PTPRD: variants seen among roughly 807,000 people sequenced by gnomAD.
The protein encoded by PTPRD is receptor-type tyrosine-protein phosphatase delta.
PTPRD carries 34 observed loss-of-function variants against 214.5 expected under a neutral mutation model. The ratio of observed to expected loss-of-function variants is 0.16; its 90% CI spans 0.12 to 0.21. The LOEUF (loss-of-function observed/expected upper bound fraction) is 0.21. Among genes scored for constraint, PTPRD ranks in the 10% least tolerant of loss-of-function variants. The pLI is 1.00. For synonymous variants in PTPRD, 1,128 were observed against 845.7 expected (o/e 1.33, Z -5.79); for missense variants, 2,545 against 2,398.7 (o/e 1.06, Z -1.27).
At chr9:8,335,827 G>A (rs7865195) in intron 43 of PTPRD, among the ~76,000 whole-genome samples, 6,072 of 152,184 alleles carry the variant, frequency 0.04, 413 homozygotes, top group African/African-American at 0.14. Flanking sequence ...AAAGTCACAA[G>A]CACTCCTATA....
chr9:10,416,298 G>A (rs1224181630), intron 2 of PTPRD, among the ~76,000 whole-genome samples: 1 of 151,866 alleles, frequency 6.6e-6, no homozygotes, highest in Admixed American at 6.6e-5. Context: ...GCAGAGTGTT[G>A]CAGTGAGCCA....
chr9:10,437,194 T>G (rs553515812), intron 2 of PTPRD, among the ~76,000 whole-genome samples: 1 of 151,954 alleles, frequency 6.6e-6, no homozygotes, highest in Non-Finnish European at 1.5e-5. Flanking sequence ...TTTGAAATGG[T>G]TTTGGAATCC....
At chr9:9,236,976 G>C (rs1054892601) in intron 9 of PTPRD, among the ~76,000 whole-genome samples, 1 of 152,062 alleles carries the variant, frequency 6.6e-6, no homozygotes, top group Non-Finnish European at 1.5e-5. Context: ...GCCTCAAAAG[G>C]CTTATTAGTT....
intron 14 of PTPRD, among the ~76,000 whole-genome samples, chr9:8,599,588 T>C (rs1267413807): frequency 6.8e-6 from 1 of 146,152 alleles, no homozygotes; most frequent in African/African-American, 2.5e-5. Flanking sequence ...GCTCTACTGA[T>C]GGCCCTTTCC....
At chr9:9,624,275 TTTTTTGTTTG>T (rs750012553) in intron 7 of PTPRD, among the ~76,000 whole-genome samples, 2 of 151,828 alleles carry the variant, frequency 1.3e-5, no homozygotes, top group East Asian at 1.9e-4. Context: ...AGCTAGTTTT[TTTTTTGTTTG>T]TTTGTTTGTT....
chr9:10,132,648 G>C (rs573863811), intron 3 of PTPRD, among the ~76,000 whole-genome samples: 2 of 152,292 alleles, frequency 1.3e-5, no homozygotes, highest in Admixed American at 1.3e-4. Flanking sequence ...CAATTTGTTG[G>C]TTGACTCCAG....
chr9:9,069,731 G>T (rs1439381444), intron 10 of PTPRD, among the ~76,000 whole-genome samples: 1 of 152,162 alleles, frequency 6.6e-6, no homozygotes, highest in African/African-American at 2.4e-5. Flanking sequence ...GTGTTAGAAT[G>T]TAAAGATGAA....
At chr9:9,837,526 T>C (rs561770887) in intron 5 of PTPRD, among the ~76,000 whole-genome samples, 49 of 152,154 alleles carry the variant, frequency 3.2e-4, no homozygotes, top group African/African-American at 1.0e-3. Flanking sequence ...TAGCTGAAGA[T>C]AGAGGGGTAT....
rs189817575 is a variant in PTPRD, at chr9:9,264,302, C to T, written c.-202-80939G>A. Among the ~76,000 whole-genome samples the T allele has an allele frequency of 1.1e-3, 174 of 151,610 alleles. 3 individuals carry two copies. The highest frequency in any genetic ancestry group is 7.4e-5 in the Non-Finnish European group (5 of 67,718). The stretch of plus-strand genomic sequence containing the variant: ...AACAGAACACAGATAAACAACTCAA[C>T]AAGACCGAAGTTTAATAAAGAAAGA... On this transcript the variant is annotated intron_variant, in intron 9 of 45. Transcript: ENST00000381196.
chr9:9,456,336 G>A (rs906627778), intron 8 of PTPRD, among the ~76,000 whole-genome samples: 1 of 151,556 alleles, frequency 6.6e-6, no homozygotes, highest in African/African-American at 2.4e-5. Context: ...TATTGATTAG[G>A]AATAAAAAAA....
In PTPRD at chr9:10,238,995, G is replaced by C. The variant is rs80310389; in HGVS notation, c.-545+101968C>G. On this transcript the variant is annotated intron_variant, in intron 3 of 45. Transcript: ENST00000381196. The stretch of plus-strand genomic sequence containing the variant: ...CCTGCACATCGAAGAAGGCTTCCAT[G>C]TCCAATATGGTTTTGAATATCCTAT... 2.3e-3 allele frequency among the ~76,000 whole-genome samples: 353 copies of C among 151,906 alleles called. 1 individual carries two copies. The highest frequency in any genetic ancestry group is 8.3e-3 in the African/African-American group (345 of 41,486).
intron 11 of PTPRD, among the ~76,000 whole-genome samples, chr9:8,869,314 A>G (rs929874483): frequency 6.6e-6 from 1 of 152,204 alleles, no homozygotes; most frequent in Non-Finnish European, 1.5e-5. Flanking sequence ...ACTAGGACAC[A>G]TGGATTTCTC....
chr9:10,164,274 C>T (rs1325423824), intron 3 of PTPRD, among the ~76,000 whole-genome samples: 3 of 151,340 alleles, frequency 2.0e-5, no homozygotes, highest in Non-Finnish European at 3.0e-5. Flanking sequence ...TTCTAGAGGG[C>T]CATAAGATTA....
At chr9:8,429,615 T>C (rs562536830) in intron 35 of PTPRD, among the ~76,000 whole-genome samples, 35 of 152,294 alleles carry the variant, frequency 2.3e-4, no homozygotes, top group African/African-American at 8.4e-4. Context: ...CTGAAATATT[T>C]CATATAAAAG....
At chr9:10,558,544 T>C (rs1282955422) in intron 2 of PTPRD, among the ~76,000 whole-genome samples, 1 of 152,132 alleles carries the variant, frequency 6.6e-6, no homozygotes, top group African/African-American at 2.4e-5. Context: ...CTTAGCCATG[T>C]GGCCTTGGGC....
At chr9:9,154,382 G>A (rs1426046516) in intron 10 of PTPRD, among the ~76,000 whole-genome samples, 1 of 152,118 alleles carries the variant, frequency 6.6e-6, no homozygotes, top group Non-Finnish European at 1.5e-5. Context: ...GAAAGTTGCT[G>A]AAAGGGTTTG....
At chr9:9,666,349 T>A (rs2154383367) in intron 7 of PTPRD, among the ~76,000 whole-genome samples, 1 of 152,034 alleles carries the variant, frequency 6.6e-6, no homozygotes, top group South Asian at 2.1e-4. Flanking sequence ...AAAAGTAGTA[T>A]CAAAAATAAA....
chr9:8,934,007 C>G (rs1409897790), intron 11 of PTPRD, among the ~76,000 whole-genome samples: 1 of 151,918 alleles, frequency 6.6e-6, no homozygotes. Context: ...AGATTGGGCT[C>G]TAAAACTTCA....
intron 14 of PTPRD, among the ~76,000 whole-genome samples, chr9:8,581,827 A>G (rs2093153990): frequency 6.9e-6 from 1 of 145,744 alleles, no homozygotes; most frequent in Non-Finnish European, 1.5e-5. Context: ...CCGGTGGCTC[A>G]CGCCTGTAAT....
Sources: gnomAD v4.1 joint callset for allele counts (sites outside exome capture counted in the v4.1 genomes callset) on GRCh38, gnomAD v4.1.1 for gene constraint, MANE v1.5 for transcripts, NCBI Gene and HGNC (gene_info 2026-07-23, HGNC 2026-07-21) for gene names.